The following PPP2R2C variants were observed in gnomAD, a reference collection of about 807,000 sequenced individuals.
PPP2R2C encodes the protein protein phosphatase 2 regulatory subunit Bgamma.
Under a neutral mutation model 45.3 loss-of-function variants are expected in PPP2R2C, and 10 were observed. That is an observed-to-expected ratio of 0.22 (90% CI 0.14 to 0.37). The LOEUF (loss-of-function observed/expected upper bound fraction) is 0.37. Ranked by LOEUF, PPP2R2C falls within the 10% of genes least tolerant of loss-of-function variation. PPP2R2C has a pLI of 1.00. For missense variants in PPP2R2C, 308 were observed against 619.7 expected (o/e 0.50, Z 5.34); for synonymous variants, 257 against 245.4 (o/e 1.05, Z -0.44).
At position 6,405,792 on chromosome 4, in the gene PPP2R2C, C is replaced by T. The variant is rs143263040; in HGVS notation, c.71-24698G>A. ...ATGATCATATAAAAGAAGGATGGGC[C>T]TATAAAGCCAGCCACGGACAAGCGT... On this transcript the variant is annotated intron_variant, in intron 1 of 8. Coordinates refer to ENST00000382599, the MANE Select transcript of PPP2R2C (RefSeq NM_020416.4). Among the ~76,000 whole-genome samples, 1,496 of 152,236 alleles carry T rather than the reference C, an allele frequency of 9.8e-3. 24 individuals are homozygous for T. The highest frequency in any genetic ancestry group is 0.033 in the African/African-American group (1,377 of 41,546).
At chr4:6,511,536 G>A (rs199609532) in intron 2 of PPP2R2C, among the ~76,000 whole-genome samples, 1 of 60,326 alleles carries the variant, frequency 1.7e-5, no homozygotes, top group Non-Finnish European at 4.2e-5. Flanking sequence ...TGGTGGTGGT[G>A]GTGGTGGTGA....
At position 6,387,394 on chromosome 4, in the gene PPP2R2C, G is replaced by A. The variant is rs989340736; in HGVS notation, c.71-6300C>T. 3.3e-5 allele frequency among the ~76,000 whole-genome samples: 5 copies of A among 152,288 alleles called. No individual in the cohort carries two copies. The East Asian group carries it at 9.6e-4, about 29-fold the overall frequency. On this transcript the variant is annotated intron_variant, in intron 1 of 8. Transcript: ENST00000382599. ...AACATATTACATTCAGAGACACCAG[G>A]ACTCAGAGACTGCTGACTTGTCAGC...
At chr4:6,541,266 C>A (rs1040354993) in intron 1 of PPP2R2C, among the ~76,000 whole-genome samples, 13 of 152,132 alleles carry the variant, frequency 8.5e-5, no homozygotes, top group African/African-American at 3.1e-4. Context: ...AGCCAGAAAT[C>A]CAGGAAGAAT....
rs145443168 is a variant in PPP2R2C at position 6,501,497 on chromosome 4, G to T, written c.49+33774C>A. Among the ~76,000 whole-genome samples, 504 of 152,294 alleles carry T rather than the reference G, an allele frequency of 3.3e-3. 1 individual carries two copies. The highest frequency in any genetic ancestry group is 0.012 in the African/African-American group (482 of 41,560). ...GTCAGCTGGGGGACCATGCCCCTTC[G>T]GAAATCCCCCAGGGAGGAGAATCTC... On this transcript the variant is annotated intron_variant, in intron 2 of 9. Coordinates refer to the PPP2R2C transcript ENST00000506140.
At chr4:6,353,335 AAC>A (rs1712751419) in intron 5 of PPP2R2C, among the ~76,000 whole-genome samples, 1 of 86,624 alleles carries the variant, frequency 1.2e-5, no homozygotes, top group African/African-American at 4.9e-5. Context: ...ACAGCACCCC[AAC>A]ACCGACAGCC....
intron 5 of PPP2R2C, among the ~76,000 whole-genome samples, chr4:6,363,364 G>A (rs944247249): frequency 1.3e-5 from 2 of 152,144 alleles, no homozygotes; most frequent in African/African-American, 2.4e-5. Flanking sequence ...GGATCACGAG[G>A]TCAGGAGATC....
At chr4:6,349,226 G>C (rs140275249) in intron 5 of PPP2R2C, 1 of 985,400 alleles carries the variant, frequency 1.0e-6, no homozygotes, top group Non-Finnish European at 1.2e-6. Context: ...GGCTTTGCAC[G>C]GTCTGTTCCC....
At chr4:6,431,516 C>T (rs2109410722) in intron 1 of PPP2R2C, among the ~76,000 whole-genome samples, 1 of 152,284 alleles carries the variant, frequency 6.6e-6, no homozygotes, top group Non-Finnish European at 1.5e-5. Context: ...CTTTGTGACC[C>T]ATCCCCAGCC....
At chr4:6,370,333 G>A (rs141758251) in intron 5 of PPP2R2C, among the ~76,000 whole-genome samples, 246 of 152,318 alleles carry the variant, frequency 1.6e-3, no homozygotes, top group Non-Finnish European at 2.4e-3. Flanking sequence ...GACAACGAAC[G>A]GCAGGCTGAT....
intron 2 of PPP2R2C, among the ~76,000 whole-genome samples, chr4:6,485,422 G>C (rs1722500442): frequency 6.6e-6 from 1 of 151,794 alleles, no homozygotes; most frequent in African/African-American, 2.4e-5. Flanking sequence ...TCAAGTTTTT[G>C]GAAGAGTTTA....
intron 1 of PPP2R2C, among the ~76,000 whole-genome samples, chr4:6,394,672 C>T (rs891426669): frequency 3.3e-5 from 5 of 152,350 alleles, no homozygotes; most frequent in South Asian, 2.1e-4. Context: ...GACACTGATG[C>T]GGACCTATCA....
intron 1 of PPP2R2C, among the ~76,000 whole-genome samples, chr4:6,402,299 C>CCAT (rs1211240368): frequency 6.6e-6 from 1 of 152,204 alleles, no homozygotes; most frequent in African/African-American, 2.4e-5. Context: ...GCCTGCGGCT[C>CCAT]TTCATACAAG....
intron 1 of PPP2R2C, among the ~76,000 whole-genome samples, chr4:6,547,762 C>A (rs937797518): frequency 6.6e-6 from 1 of 152,138 alleles, no homozygotes; most frequent in African/African-American, 2.4e-5. Flanking sequence ...CATCCATATG[C>A]AAAAACGCAA....
At chr4:6,367,459 C>T (rs1714428727) in intron 5 of PPP2R2C, among the ~76,000 whole-genome samples, 2 of 151,804 alleles carry the variant, frequency 1.3e-5, no homozygotes, top group African/African-American at 4.9e-5. Flanking sequence ...GGCCTCCTGA[C>T]CCTGGGTTTT....
intron 3 of PPP2R2C, among the ~76,000 whole-genome samples, chr4:6,377,236 C>T (rs1195048170): frequency 6.6e-6 from 1 of 152,128 alleles, no homozygotes; most frequent in Non-Finnish European, 1.5e-5. Flanking sequence ...GCTTGTGCAG[C>T]GGTTACTGTT....
chr4:6,365,554 C>T (rs1048165766), intron 5 of PPP2R2C, among the ~76,000 whole-genome samples: 2 of 152,308 alleles, frequency 1.3e-5, no homozygotes, highest in Admixed American at 1.3e-4. Context: ...GGGTCAGTGG[C>T]AGAGGCAGGG....
chr4:6,351,581 T>TTC (rs1294440265), intron 5 of PPP2R2C, among the ~76,000 whole-genome samples: 1 of 152,270 alleles, frequency 6.6e-6, no homozygotes, highest in South Asian at 2.1e-4. Flanking sequence ...CTCCTGCTCT[T>TTC]TCTCTCTGTC....
At chr4:6,366,421 C>T (rs1316470718) in intron 5 of PPP2R2C, among the ~76,000 whole-genome samples, 1 of 152,198 alleles carries the variant, frequency 6.6e-6, no homozygotes, top group Non-Finnish European at 1.5e-5. Flanking sequence ...CAGCCCACTC[C>T]ACCTACAACC....
intron 6 of PPP2R2C, among the ~76,000 whole-genome samples, chr4:6,342,514 A>C (rs1733530008): frequency 6.6e-6 from 1 of 152,180 alleles, no homozygotes; most frequent in East Asian, 1.9e-4. Flanking sequence ...TATTTCACCC[A>C]ACACCGGGCC....
Sources: gnomAD v4.1 joint callset for allele counts (sites outside exome capture counted in the v4.1 genomes callset) on GRCh38, gnomAD v4.1.1 for gene constraint, MANE v1.5 for transcripts, NCBI Gene and HGNC (gene_info 2026-07-23, HGNC 2026-07-21) for gene names.